GOT1: variants seen among roughly 807,000 people sequenced by gnomAD.
GOT1 encodes glutamic-oxaloacetic transaminase 1, also known as aspartate aminotransferase, cytoplasmic.
A neutral mutation model predicts 48.2 loss-of-function variants in GOT1; 25 were observed. The ratio of observed to expected loss-of-function variants is 0.52; its 90% CI spans 0.38 to 0.72. The LOEUF (loss-of-function observed/expected upper bound fraction) is 0.72, where lower values mean the gene tolerates loss of function less well. GOT1 is among the 30% of genes least tolerant of loss of function. The pLI is 0.00. For synonymous variants in GOT1, 188 were observed against 193.8 expected, an observed-to-expected ratio of 0.97 and a Z score of 0.25; for missense variants, 380 against 520.1, an observed-to-expected ratio of 0.73 and a Z score of 2.62.
At chr10:99,407,391 G>T (rs923426518) in intron 2 of GOT1, among the ~76,000 whole-genome samples, 2 of 151,876 alleles carry the variant, frequency 1.3e-5, no homozygotes, top group African/African-American at 4.8e-5. Context: ...CAAAACAGAG[G>T]TGATGCATGA....
rs146060134 is a variant in GOT1 at position 99,402,736 on chromosome 10, A to G, written c.960-14T>C. On this transcript the variant is annotated splice_polypyrimidine_tract_variant and intron_variant, in intron 7 of 8. Coordinates refer to ENST00000370508, the MANE Select transcript of GOT1 (RefSeq NM_002079.3). ...ACATTACCTGTCCTGAAGCATGGAC[A>G]GTGACGTAAATACCAATCCAGACAG... is the stretch of plus-strand genomic sequence containing the variant. 2.0e-4 allele frequency: 327 copies of G among 1,611,430 alleles called. 1 individual carries two copies. In the African/African-American group the frequency reaches 3.7e-3, roughly 18 times the overall value.
At chr10:99,408,733 G>T (rs1589937436) in intron 2 of GOT1, among the ~76,000 whole-genome samples, 1 of 152,134 alleles carries the variant, frequency 6.6e-6, no homozygotes, top group African/African-American at 2.4e-5. Flanking sequence ...AAATAAATAA[G>T]TAAATACAAG....
chr10:99,405,709 T>C, intron 5 of GOT1, 47 bp downstream of exon 5: 3 of 906,690 alleles, frequency 3.3e-6, no homozygotes, highest in Non-Finnish European at 5.6e-6. Context: ...ATACATTAAA[T>C]AAGAATATAT....
chr10:99,400,208 C>T (rs945421575), intron 8 of GOT1, among the ~76,000 whole-genome samples: 12 of 152,298 alleles, frequency 7.9e-5, no homozygotes, highest in East Asian at 7.7e-4. Flanking sequence ...TTCTCCTAAA[C>T]GTACATCCAG....
Position 99,397,476 on chromosome 10 carries a change from G to A in GOT1, c.*71C>T. On this transcript the variant is annotated 3_prime_UTR_variant, in exon 9 of 9. Coordinates refer to ENST00000370508, the MANE Select transcript of GOT1 (RefSeq NM_002079.3). This position sits in a 1 kb window ranked among gnomAD's most constrained non-coding sequence, Gnocchi z 5.4. Reference sequence around the variant, plus strand: ...TGTCTCTAATCCATGGTATGTACATGTAGGTTTGTGCAGGCAGGGAACACA... The same window carrying A: ...TGTCTCTAATCCATGGTATGTACATATAGGTTTGTGCAGGCAGGGAACACA... The A allele has an allele frequency of 1.3e-6, 2 of 1,486,680 alleles. No homozygotes were observed. The highest frequency in any genetic ancestry group is 1.1e-5 in the South Asian group (1 of 87,762). 92.1% of individuals were successfully genotyped at this position (1,486,680 alleles called of 1,614,324 possible).
intron 2 of GOT1, among the ~76,000 whole-genome samples, chr10:99,409,164 G>T (rs543233552): frequency 2.0e-5 from 3 of 151,148 alleles, no homozygotes; most frequent in Non-Finnish European, 4.4e-5. Context: ...ACAGAGTCTC[G>T]CTCTGTTGCC....
chr10:99,418,494 C>CTTTTTTTTTTTTT (rs11394746), intron 2 of GOT1, among the ~76,000 whole-genome samples: 1 of 140,612 alleles, frequency 7.1e-6, no homozygotes, highest in Non-Finnish European at 1.5e-5. Context: ...TCCCCACTTT[C>CTTTTTTTTTTTTT]TTTTTTTTTT....
intron 3 of GOT1, among the ~76,000 whole-genome samples, 177 bp downstream of exon 3, chr10:99,406,549 T>C (rs2032758347): frequency 6.6e-6 from 1 of 152,212 alleles, no homozygotes; most frequent in Admixed American, 6.5e-5. Flanking sequence ...GAAAGAGTAT[T>C]CTTAACTTGA....
At chr10:99,422,505 T>C (rs1458580075) in intron 1 of GOT1, among the ~76,000 whole-genome samples, 4 of 152,222 alleles carry the variant, frequency 2.6e-5, no homozygotes, top group Non-Finnish European at 4.4e-5. Context: ...AAACTGTACA[T>C]AGAATTTCAA....
intron 2 of GOT1, among the ~76,000 whole-genome samples, chr10:99,411,149 G>T (rs2032823574): frequency 6.6e-6 from 1 of 152,222 alleles, no homozygotes; most frequent in South Asian, 2.1e-4. Flanking sequence ...GTGGTGAAAA[G>T]ATCTGAGCCA....
In GOT1 at chr10:99,403,863, C is replaced by A. The variant is rs762539228; in HGVS notation, c.654G>T (p.Leu218=). ...QIASVMKHRF[L]FPFFDSAYQG... ...GATAGGCTGAGTCAAAGAAGGGGAACAGAAACCGGTGCTGCGGGGAAGCAA... is the reference window on the plus strand; with the variant it reads ...GATAGGCTGAGTCAAAGAAGGGGAAAAGAAACCGGTGCTGCGGGGAAGCAA... The change falls in exon 6 of 9, where the codon CTG becomes CTT. Residue 218 remains leucine, a synonymous_variant. Transcript: ENST00000370508. The A allele has an allele frequency of 8.7e-6, 14 of 1,613,594 alleles. No homozygotes were observed. The highest frequency in any genetic ancestry group is 1.8e-4 in the Middle Eastern group (1 of 5,700).
In GOT1 at chr10:99,403,758, A is replaced by G; in HGVS notation, c.759T>C (p.Cys253=). 6.2e-7 allele frequency: 1 copy of G among 1,614,226 alleles called. No homozygotes were observed. Among genetic ancestry groups the G allele is most frequent in the Non-Finnish European group, 8.5e-7 (1 of 1,180,028 alleles). ...YFVSEGFEFF[C]AQSFSKNFGL... is the part of the protein sequence containing the mutation. ...CGAAGTTCTTGGAGAAGGACTGGGC[A>G]CAGAAGAACTCGAAGCCTTCAGACA... is the stretch of plus-strand genomic sequence containing the variant. The change falls in exon 6 of 9, where the codon TGT becomes TGC. Residue 253 remains cysteine, a synonymous_variant. Coordinates refer to ENST00000370508, the MANE Select transcript of GOT1 (RefSeq NM_002079.3).
intron 4 of GOT1, 104 bp downstream of exon 4, chr10:99,406,033 T>G: frequency 1.2e-6 from 1 of 828,086 alleles, no homozygotes; most frequent in Non-Finnish European, 2.1e-6. Context: ...CCATCAGGTA[T>G]GGGGAAGGTG....
chr10:99,413,972 G>C (rs1345854266), intron 2 of GOT1, among the ~76,000 whole-genome samples: 1 of 152,198 alleles, frequency 6.6e-6, no homozygotes. Context: ...ACCGGTACCA[G>C]CCACTGCAAA....
chr10:99,405,816 G>A lies in GOT1; in HGVS notation c.582C>T (p.His194=), dbSNP rs2032747964. ...FSIVVLHACA[H]NPTGIDPTPE... ...GAGTTGGGTCAATCCCAGTTGGGTT[G>A]TGTGCACAGGCGTGGAGGACAACAA... The change falls in exon 5 of 9, where the codon CAC becomes CAT. Residue 194 remains histidine (H), a synonymous_variant. Coordinates refer to ENST00000370508, the MANE Select transcript of GOT1 (RefSeq NM_002079.3). 1.9e-6 allele frequency: 3 copies of A among 1,612,002 alleles called. No homozygotes were observed. The highest frequency in any genetic ancestry group is 1.3e-5 in the African/African-American group (1 of 74,882).
Position 99,424,036 on chromosome 10 carries a change from G to A in GOT1, c.119-3231C>T, listed in dbSNP as rs778245901. On this transcript the variant is annotated intron_variant, in intron 1 of 8. Coordinates refer to ENST00000370508, the MANE Select transcript of GOT1 (RefSeq NM_002079.3). The stretch of plus-strand genomic sequence containing the variant: ...TCAACAAGTTCAAAAAGCCTCCTTC[G>A]CCAGCTGGGATTTGGTCTGGCTTCT... Among the ~76,000 whole-genome samples, 3 of 152,036 alleles carry A rather than the reference G, an allele frequency of 2.0e-5. No homozygotes were observed. The South Asian group carries it at 6.2e-4, about 31-fold the overall frequency.
At position 99,405,814 on chromosome 10, in the gene GOT1, T is replaced by G; in HGVS notation, c.584A>C (p.Asn195Thr). ...CGGAGTTGGGTCAATCCCAGTTGGG[T>G]TGTGTGCACAGGCGTGGAGGACAAC... ...SIVVLHACAH[N>T]PTGIDPTPEQ... The change falls in exon 5 of 9, where the codon AAC (asparagine) becomes ACC (threonine). Residue 195 changes from asparagine (N) to threonine (T), a missense_variant. Asn to Thr is a moderately conservative substitution (Grantham distance 65). Coordinates refer to ENST00000370508, the MANE Select transcript of GOT1 (RefSeq NM_002079.3). 1 of 1,612,528 alleles carries G rather than the reference T, an allele frequency of 6.2e-7. No homozygotes were observed. Among genetic ancestry groups the G allele is most frequent in the Non-Finnish European group, 8.5e-7 (1 of 1,178,604 alleles).
In GOT1 at chr10:99,397,450, G is replaced by A. The variant is rs2032615513; in HGVS notation, c.*97C>T. On this transcript the variant is annotated 3_prime_UTR_variant, in exon 9 of 9. Transcript: ENST00000370508. This position sits in a 1 kb window ranked among gnomAD's most constrained non-coding sequence, Gnocchi z 5.4. ...CCAGAGCAGCCTTTCAGTCCTGCAA[G>A]TGTCTCTAATCCATGGTATGTACAT... 5 of 1,298,918 alleles carry A rather than the reference G, an allele frequency of 3.8e-6. No homozygotes were observed. The highest frequency in any genetic ancestry group is 1.7e-5 in the Admixed American group (1 of 58,020). The allele number at this position is 1,298,918 out of a possible 1,614,324, so 80.5% of individuals were successfully genotyped here.
At chr10:99,413,072 G>A (rs766716536) in intron 2 of GOT1, among the ~76,000 whole-genome samples, 14 of 152,160 alleles carry the variant, frequency 9.2e-5, no homozygotes, top group South Asian at 4.1e-4. Flanking sequence ...CACCAGCAAC[G>A]GAACAAAGCT....
Sources: allele counts gnomAD v4.1 joint callset (sites outside exome capture counted in the v4.1 genomes callset), GRCh38; gene constraint gnomAD v4.1.1; non-coding constraint Gnocchi (gnomAD v3.1); transcripts MANE v1.5; gene names NCBI Gene and HGNC (gene_info 2026-07-23, HGNC 2026-07-21).